Variants in PPM1G observed in about 807,000 individuals in gnomAD.
PPM1G encodes protein phosphatase, Mg2+/Mn2+ dependent 1G, also known as protein phosphatase 1G.
Under a neutral mutation model 59.4 loss-of-function variants are expected in PPM1G, and 12 were observed. The ratio of observed to expected loss-of-function variants is 0.20; its 90% confidence interval spans 0.13 to 0.33. The LOEUF is 0.33. Ranked by LOEUF, PPM1G falls within the 10% of genes least tolerant of loss-of-function variation. PPM1G has a pLI of 1.00. For synonymous variants in PPM1G, 245 were observed against 251.9 expected, an observed-to-expected ratio of 0.97 and a Z score of 0.26; for missense variants, 392 against 681.3, an observed-to-expected ratio of 0.58 and a Z score of 4.73.
chr2:27,387,670 T>C (rs144253032), intron 1 of PPM1G, among the ~76,000 whole-genome samples: 5,053 of 152,170 alleles, frequency 0.033, 113 homozygotes, highest in Non-Finnish European at 0.047. Context: ...CCGGCTAACT[T>C]TTGTATTTTT....
intron 1 of PPM1G, among the ~76,000 whole-genome samples, chr2:27,397,565 G>A (rs146426969): frequency 8.5e-5 from 13 of 152,208 alleles, no homozygotes; most frequent in African/African-American, 2.9e-4. Flanking sequence ...GCAATATAGC[G>A]TATCGGTAGA....
rs1283578659 is a variant in PPM1G at position 27,409,408 on chromosome 2, G to C, written c.15C>G (p.Leu5=). Residue 5 remains leucine (L), a synonymous_variant, in exon 1 of 10, where the codon CTC becomes CTG. Coordinates refer to ENST00000344034, the MANE Select transcript of PPM1G (RefSeq NM_177983.3). ...AGCACTTCACCGTGTTGGGCTGGGA[G>C]AGGTAGGCACCCATGGCGGCGGCTG... is the stretch of plus-strand genomic sequence containing the variant. MGAY[L]SQPNTVKCSG... 2 of 1,531,064 alleles carry C rather than the reference G, an allele frequency of 1.3e-6. No homozygotes were observed. Among genetic ancestry groups the C allele is most frequent in the South Asian group, 2.4e-5 (2 of 82,554 alleles). 94.8% of individuals were successfully genotyped at this position (1,531,064 alleles called of 1,614,324 possible). A position where few individuals can be genotyped will look rare whatever the true frequency, so the allele number is the denominator to read the frequency against.
chr2:27,384,710 T>C lies in PPM1G; in HGVS notation c.788A>G (p.Glu263Gly). 2 of 1,613,324 alleles carry C rather than the reference T, an allele frequency of 1.2e-6. No homozygotes were observed. Among genetic ancestry groups the C allele is most frequent in the Non-Finnish European group, 1.7e-6 (2 of 1,179,276 alleles). Residue 263 changes from glutamate to glycine, a missense_variant, in exon 5 of 10, where the codon GAG becomes GGG. By Grantham distance (98) the Glu-to-Gly change is moderately conservative. Coordinates refer to ENST00000344034, the MANE Select transcript of PPM1G (RefSeq NM_177983.3). This position sits in a 1 kb window ranked among gnomAD's most constrained non-coding sequence, Gnocchi z 4.8. Reference sequence around the variant, plus strand: ...CTCTTCTTCCTCCGCCTCATCTGACTCATCCTCACTGTCCTCAAAGAACTT... The same window carrying C: ...CTCTTCTTCCTCCGCCTCATCTGACCCATCCTCACTGTCCTCAAAGAACTT... ...KSKFFEDSED[E>G]SDEAEEEEED...
chr2:27,399,842 A>G (rs1441278906), intron 1 of PPM1G, among the ~76,000 whole-genome samples: 1 of 152,138 alleles, frequency 6.6e-6, no homozygotes, highest in African/African-American at 2.4e-5. Flanking sequence ...AATGTTAAAC[A>G]CGTAGTTACC....
chr2:27,401,185 C>T (rs191953545), intron 1 of PPM1G, among the ~76,000 whole-genome samples: 3 of 152,260 alleles, frequency 2.0e-5, no homozygotes, highest in East Asian at 1.9e-4. Flanking sequence ...CTTAAATCTA[C>T]TACAACAATG....
chr2:27,389,192 C>T (rs192609617), intron 1 of PPM1G, among the ~76,000 whole-genome samples: 3 of 152,144 alleles, frequency 2.0e-5, no homozygotes, highest in Non-Finnish European at 2.9e-5. Context: ...TGTAATGATG[C>T]AAAACACATA....
chr2:27,383,839 C>A lies in PPM1G; in HGVS notation c.966+113G>T. Reference sequence around the variant, plus strand: ...CCCCTTGCAGAATAAATCCCCATGACTATTACTTCCATCCTAAAGTATCAG... The same window carrying A: ...CCCCTTGCAGAATAAATCCCCATGAATATTACTTCCATCCTAAAGTATCAG... On this transcript the variant is annotated intron_variant, in intron 6 of 9. Coordinates refer to ENST00000344034, the MANE Select transcript of PPM1G (RefSeq NM_177983.3). This position sits in a 1 kb window ranked among gnomAD's most constrained non-coding sequence, Gnocchi z 5.0. The A allele has an allele frequency of 1.4e-6, 2 of 1,454,138 alleles. No homozygotes were observed. The highest frequency in any genetic ancestry group is 3.6e-4 in the Middle Eastern group (2 of 5,624). 90.1% of individuals were successfully genotyped at this position (1,454,138 alleles called of 1,614,324 possible).
chr2:27,396,058 G>A (rs971889748), intron 1 of PPM1G, among the ~76,000 whole-genome samples: 1 of 151,964 alleles, frequency 6.6e-6, no homozygotes, highest in African/African-American at 2.4e-5. Flanking sequence ...ATAATTTGAG[G>A]TCAGGAGTTC....
intron 1 of PPM1G, among the ~76,000 whole-genome samples, chr2:27,403,828 G>A (rs1025940914): frequency 2.0e-5 from 3 of 150,522 alleles, no homozygotes; most frequent in East Asian, 2.0e-4. Flanking sequence ...CCAGTGAGCC[G>A]AGATCACACC....
chr2:27,397,393 C>CTCTTGTGAA (rs1372669884), intron 1 of PPM1G, among the ~76,000 whole-genome samples: 1 of 152,112 alleles, frequency 6.6e-6, no homozygotes, highest in Admixed American at 6.6e-5. Flanking sequence ...TCACAAGAAA[C>CTCTTGTGAA]TACAGACCAA....
At chr2:27,400,811 G>C (rs1684163238) in intron 1 of PPM1G, among the ~76,000 whole-genome samples, 2 of 152,144 alleles carry the variant, frequency 1.3e-5, no homozygotes. Context: ...TGGTTACACA[G>C]GCAACAGACT....
At chr2:27,394,741 T>TAAA (rs397868730) in intron 1 of PPM1G, among the ~76,000 whole-genome samples, 4 of 107,906 alleles carry the variant, frequency 3.7e-5, no homozygotes, top group South Asian at 3.1e-4. Flanking sequence ...GACTCTGTCT[T>TAAA]AAAAAAAAAA....
intron 1 of PPM1G, among the ~76,000 whole-genome samples, chr2:27,390,034 CTTTT>C (rs34597229): frequency 6.7e-6 from 1 of 148,966 alleles, no homozygotes; most frequent in Non-Finnish European, 1.5e-5. Context: ...ATCTTGTTTT[CTTTT>C]TTTTTTGAGA....
Position 27,387,143 on chromosome 2 carries a change from T to C in PPM1G, c.136A>G (p.Ile46Val). 6.2e-7 allele frequency: 1 copy of C among 1,613,108 alleles called. No individual in the cohort carries two copies. Among genetic ancestry groups the C allele is most frequent in the Non-Finnish European group, 8.5e-7 (1 of 1,179,066 alleles). ...RVSMEDAHNC[I>V]PELDSETAMF... ...GCTGTCTCACTGTCCAGCTCAGGAA[T>C]ACAGTTGTGAGCATCCTAGGAAAAG... Residue 46 changes from isoleucine to valine, a missense_variant, in exon 2 of 10, where the codon ATT becomes GTT. Coordinates refer to ENST00000344034, the MANE Select transcript of PPM1G (RefSeq NM_177983.3).
chr2:27,403,064 A>G (rs949114255), intron 1 of PPM1G, among the ~76,000 whole-genome samples: 21 of 152,216 alleles, frequency 1.4e-4, no homozygotes, highest in African/African-American at 5.1e-4. Flanking sequence ...GATGTGAAGG[A>G]ACCGGCACAA....
chr2:27,382,505 T>C lies in PPM1G; in HGVS notation c.1302A>G (p.Glu434=). The change falls in exon 8 of 10, where the codon GAA becomes GAG. Residue 434 remains glutamate (E), a synonymous_variant. Transcript: ENST00000344034. The surrounding 1 kb of genome is among the most constrained non-coding windows in gnomAD (Gnocchi z 4.2). ...TGCCATCACAGGCAATGACCATGAA[T>C]TCATGGTCGTCAGTGAGAGTCAGCA... ...IKVLTLTDDH[E]FMVIACDGIW... 6.2e-7 allele frequency: 1 copy of C among 1,614,188 alleles called. No individual in the cohort carries two copies. Among genetic ancestry groups the C allele is most frequent in the Middle Eastern group, 1.7e-4 (1 of 6,054 alleles).
intron 1 of PPM1G, among the ~76,000 whole-genome samples, chr2:27,387,763 T>C (rs537616785): frequency 1.3e-5 from 2 of 152,224 alleles, no homozygotes; most frequent in African/African-American, 4.8e-5. Context: ...CCTCCCAAAG[T>C]GTTGGCCAGG....
At chr2:27,397,210 C>T (rs1572666827) in intron 1 of PPM1G, among the ~76,000 whole-genome samples, 1 of 152,070 alleles carries the variant, frequency 6.6e-6, no homozygotes, top group Non-Finnish European at 1.5e-5. Flanking sequence ...AAAAACTTCC[C>T]ACAAAGAAGA....
rs751616922 is a variant in PPM1G, at chr2:27,385,150, C to T, written c.410-62G>A. ...GACTCCTCATGGGATCCGTCCCTCTCACTACCTCAACAGCCCTTGCAGCCT... is the reference window on the plus strand; with the variant it reads ...GACTCCTCATGGGATCCGTCCCTCTTACTACCTCAACAGCCCTTGCAGCCT... On this transcript the variant is annotated intron_variant, in intron 4 of 9. Coordinates refer to ENST00000344034, the MANE Select transcript of PPM1G (RefSeq NM_177983.3). The surrounding 1 kb of genome is among the most constrained non-coding windows in gnomAD (Gnocchi z 4.1). 2.0e-6 allele frequency: 3 copies of T among 1,505,820 alleles called. No individual in the cohort carries two copies. Among genetic ancestry groups the T allele is most frequent in the South Asian group, 2.7e-5 (2 of 75,448 alleles). 93.3% of individuals were successfully genotyped at this position (1,505,820 alleles called of 1,614,324 possible).
Sources: allele counts gnomAD v4.1 joint callset (sites outside exome capture counted in the v4.1 genomes callset), GRCh38; gene constraint gnomAD v4.1.1; non-coding constraint Gnocchi (gnomAD v3.1); transcripts MANE v1.5; gene names NCBI Gene and HGNC (gene_info 2026-07-23, HGNC 2026-07-21).